Variants in ARID4A observed in about 807,000 individuals in gnomAD.
ARID4A encodes the protein AT-rich interaction domain 4A.
In ARID4A, 39 loss-of-function variants were observed where a neutral mutation model predicts 148.6. The ratio of observed to expected loss-of-function variants is 0.26; its 90% CI spans 0.20 to 0.34. ARID4A has a LOEUF of 0.34. Among genes scored for constraint, ARID4A ranks in the 10% least tolerant of loss-of-function variants. The pLI is 1.00. For missense variants in ARID4A, 1,265 were observed against 1,449.1 expected, an observed-to-expected ratio of 0.87 and a Z score of 2.06; for synonymous variants, 475 against 481.2, an observed-to-expected ratio of 0.99 and a Z score of 0.17.
intron 11 of ARID4A, among the ~76,000 whole-genome samples, chr14:58,344,375 A>C (rs747005691): frequency 3.3e-5 from 5 of 152,060 alleles, no homozygotes; most frequent in Admixed American, 6.6e-5. Flanking sequence ...ATAGTATTTA[A>C]ATGGGCTTTA....
At chr14:58,368,305 T>C (rs879536431) in intron 23 of ARID4A, among the ~76,000 whole-genome samples, 5 of 152,196 alleles carry the variant, frequency 3.3e-5, no homozygotes, top group African/African-American at 7.2e-5. Flanking sequence ...TGGGAGGAGA[T>C]TGGAAGATTC....
At chr14:58,356,753 G>A (rs1437104385) in intron 17 of ARID4A, among the ~76,000 whole-genome samples, 2 of 147,944 alleles carry the variant, frequency 1.4e-5, no homozygotes. Flanking sequence ...CCAGGCTGGA[G>A]TGCAGTGGTG....
intron 1 of ARID4A, 57 bp downstream of exon 1, chr14:58,298,757 A>AGCT (rs2030788888): frequency 6.6e-6 from 1 of 152,424 alleles, no homozygotes; most frequent in Non-Finnish European, 1.5e-5. Flanking sequence ...CAGTAGCAGC[A>AGCT]GCTGCTGCTG....
chr14:58,357,315 A>C (rs1000071242), intron 17 of ARID4A, among the ~76,000 whole-genome samples: 1 of 152,228 alleles, frequency 6.6e-6, no homozygotes, highest in East Asian at 1.9e-4. Flanking sequence ...TGAGTTTATC[A>C]GGACATAATG....
rs2035667279 is a variant in ARID4A, at chr14:58,372,852, T to G, written c.*863T>G. ...TAAAATAAGGTATTATCTTGCAACT[T>G]GTTAAATATATTTATTCAGACATTG... On this transcript the variant is annotated 3_prime_UTR_variant, in exon 24 of 24. Coordinates refer to ENST00000355431, the MANE Select transcript of ARID4A (RefSeq NM_002892.4). 1 of 179,130 alleles carries G rather than the reference T, an allele frequency of 5.6e-6. No homozygotes were observed. Among genetic ancestry groups the G allele is most frequent in the African/African-American group, 2.4e-5 (1 of 42,336 alleles). 11.1% of individuals were successfully genotyped at this position (179,130 alleles called of 1,614,324 possible).
intron 7 of ARID4A, among the ~76,000 whole-genome samples, chr14:58,322,974 AAAAAAAAT>A (rs1310593335): frequency 2.1e-5 from 3 of 143,524 alleles, no homozygotes; most frequent in Non-Finnish European, 4.6e-5. Context: ...AAAAAAAAAA[AAAAAAAAT>A]ATATATATAT....
intron 16 of ARID4A, 85 bp from the exon 17 acceptor site, chr14:58,353,573 A>G (rs559620435): frequency 8.3e-7 from 1 of 1,210,586 alleles, no homozygotes; most frequent in East Asian, 2.4e-5. Flanking sequence ...TTAGGTTGTG[A>G]ATAATCTACC....
chr14:58,329,328 G>A (rs1054778271), intron 9 of ARID4A, among the ~76,000 whole-genome samples, 200 bp from the exon 10 acceptor site: 2 of 152,172 alleles, frequency 1.3e-5, no homozygotes, highest in Non-Finnish European at 2.9e-5. Context: ...TGTACTTTGA[G>A]TATATACAAC....
At chr14:58,311,733 C>T (rs1454569227) in intron 5 of ARID4A, among the ~76,000 whole-genome samples, 3 of 152,064 alleles carry the variant, frequency 2.0e-5, no homozygotes. Context: ...GATATATATA[C>T]ATAATGGAAT....
chr14:58,339,333 A>G (rs916298749), intron 11 of ARID4A, among the ~76,000 whole-genome samples: 1 of 152,140 alleles, frequency 6.6e-6, no homozygotes, highest in African/African-American at 2.4e-5. Context: ...CCCATCAACA[A>G]TATGTTCTGT....
chr14:58,299,794 A>G lies in ARID4A; in HGVS notation c.-57-4A>G, dbSNP rs1667346331. 2.2e-5 allele frequency: 35 copies of G among 1,612,454 alleles called. No homozygotes were observed. Among genetic ancestry groups the G allele is most frequent in the Non-Finnish European group, 3.0e-5 (35 of 1,178,924 alleles). On this transcript the variant is annotated splice_region_variant and splice_polypyrimidine_tract_variant and intron_variant, in intron 1 of 23. Transcript: ENST00000355431. Reference sequence around the variant, plus strand: ...TCTGTGCCTGTCTTTCCCCCTCCCCATAGTTCTAGCGACTGCGAAGATAGC... The same window carrying G: ...TCTGTGCCTGTCTTTCCCCCTCCCCGTAGTTCTAGCGACTGCGAAGATAGC...
In ARID4A at chr14:58,329,533, C is replaced by G; in HGVS notation, c.668C>G (p.Ser223Cys). 6.3e-7 allele frequency: 1 copy of G among 1,592,708 alleles called. No individual in the cohort carries two copies. Among genetic ancestry groups the G allele is most frequent in the Non-Finnish European group, 8.6e-7 (1 of 1,160,932 alleles). The change falls in exon 10 of 24, where the codon TCT (serine) becomes TGT (cysteine). Residue 223 changes from serine (S) to cysteine (C), a missense_variant. Physicochemically the swap from Ser to Cys is moderately radical, Grantham distance 112. Coordinates refer to ENST00000355431, the MANE Select transcript of ARID4A (RefSeq NM_002892.4). ...CCCTTCTTCTTGATAATTAGTTACTCTATAGCAAGAAAGGACATTAAGGAA... is the reference window on the plus strand; with the variant it reads ...CCCTTCTTCTTGATAATTAGTTACTGTATAGCAAGAAAGGACATTAAGGAA... ...VRSFIDSKFY[S>C]IARKDIKEVD... is the part of the protein sequence containing the mutation.
chr14:58,311,613 A>G (rs1276799064), intron 5 of ARID4A, among the ~76,000 whole-genome samples: 1 of 152,212 alleles, frequency 6.6e-6, no homozygotes, highest in Non-Finnish European at 1.5e-5. Flanking sequence ...TTAAACTAGT[A>G]TGTCAGAGAT....
chr14:58,329,465 A>T (rs1338513091), intron 9 of ARID4A, 63 bp from the exon 10 acceptor site: 1 of 1,090,286 alleles, frequency 9.2e-7, no homozygotes, highest in Non-Finnish European at 1.4e-6. Context: ...TGTTAACATG[A>T]ACTATTTAAG....
At position 58,352,984 on chromosome 14, in the gene ARID4A, C is replaced by T. The variant is rs187821384; in HGVS notation, c.1656-674C>T. Among the ~76,000 whole-genome samples, 370 of 152,264 alleles carry T rather than the reference C, an allele frequency of 2.4e-3. 1 individual carries two copies. Among genetic ancestry groups the T allele is most frequent in the African/African-American group, 8.7e-3 (362 of 41,550 alleles). On this transcript the variant is annotated intron_variant, in intron 16 of 23. Coordinates refer to ENST00000355431, the MANE Select transcript of ARID4A (RefSeq NM_002892.4). ...GCTTTGTTCTTGTGGTGGTATCCTA[C>T]AGTGTCAACAAATGACCTAATACTC...
At position 58,317,533 on chromosome 14, in the gene ARID4A, C is replaced by T. The variant is rs1434366877; in HGVS notation, c.275-1009C>T. On this transcript the variant is annotated intron_variant, in intron 5 of 23. Coordinates refer to ENST00000355431, the MANE Select transcript of ARID4A (RefSeq NM_002892.4). The stretch of plus-strand genomic sequence containing the variant: ...GATTTCCTGACCTGACCTCGTGATC[C>T]GCCCACCTCGCCTCCCAAAGTGCTG... Among the ~76,000 whole-genome samples the T allele has an allele frequency of 3.3e-5, 5 of 151,188 alleles. 1 individual carries two copies. The East Asian group carries it at 5.9e-4, about 18-fold the overall frequency.
chr14:58,300,007 G>T (rs140180997), intron 2 of ARID4A, 147 bp downstream of exon 2: 5 of 1,150,502 alleles, frequency 4.3e-6, no homozygotes, highest in Non-Finnish European at 6.5e-6. Context: ...TGTTGAATGG[G>T]TGAAAAATGA....
At chr14:58,322,029 G>T (rs2032923083) in intron 7 of ARID4A, among the ~76,000 whole-genome samples, 1 of 151,724 alleles carries the variant, frequency 6.6e-6, no homozygotes, top group Non-Finnish European at 1.5e-5. Flanking sequence ...GTAGTGTAGT[G>T]GTGCGATCTT....
chr14:58,339,833 C>T (rs571141541), intron 11 of ARID4A, among the ~76,000 whole-genome samples: 3 of 130,054 alleles, frequency 2.3e-5, no homozygotes, highest in Admixed American at 8.7e-5. Context: ...CATATCTTCA[C>T]GTGGCAACAG....
Sources: allele counts gnomAD v4.1 joint callset (sites outside exome capture counted in the v4.1 genomes callset), GRCh38; gene constraint gnomAD v4.1.1; transcripts MANE v1.5; gene names NCBI Gene and HGNC (gene_info 2026-07-23, HGNC 2026-07-21).